Variants in PTPRG observed in about 807,000 individuals in gnomAD.
PTPRG encodes protein tyrosine phosphatase receptor type G.
In PTPRG, 102 loss-of-function variants were observed where a neutral mutation model predicts 165.3. The ratio of observed to expected loss-of-function variants is 0.62; its 90% CI spans 0.53 to 0.73. The LOEUF is 0.73. PTPRG is among the 30% of genes least tolerant of loss of function. PTPRG has a pLI of 0.00. For synonymous variants in PTPRG, 675 were observed against 669.5 expected (o/e 1.01, Z -0.13); for missense variants, 1,866 against 1,861.4 (o/e 1.00, Z -0.05).
At chr3:61,908,380 G>A (rs900335543) in intron 2 of PTPRG, among the ~76,000 whole-genome samples, 15 of 129,148 alleles carry the variant, frequency 1.2e-4, no homozygotes, top group African/African-American at 3.7e-4. Context: ...AGCCGGGATC[G>A]TACTACTGTA....
chr3:62,176,640 G>A (rs1705437294), intron 8 of PTPRG, among the ~76,000 whole-genome samples: 1 of 152,016 alleles, frequency 6.6e-6, no homozygotes, highest in Admixed American at 6.6e-5. Flanking sequence ...TATCTATTTT[G>A]TCAGGTTATC....
intron 1 of PTPRG, among the ~76,000 whole-genome samples, chr3:61,713,668 A>T (rs1268210248): frequency 6.6e-6 from 1 of 152,178 alleles, no homozygotes; most frequent in Admixed American, 6.5e-5. Context: ...CTTGTTAAAT[A>T]CAGTCCCAGA....
chr3:61,760,240 G>C (rs997062301), intron 2 of PTPRG, among the ~76,000 whole-genome samples: 1 of 152,150 alleles, frequency 6.6e-6, no homozygotes, highest in East Asian at 1.9e-4. Context: ...CCTAGAATTG[G>C]TTTTAAAATG....
chr3:62,174,427 T>C (rs1450016999), intron 8 of PTPRG, among the ~76,000 whole-genome samples: 2 of 152,198 alleles, frequency 1.3e-5, no homozygotes, highest in Admixed American at 6.5e-5. Context: ...TCGTGTTTTT[T>C]TGGTGAGTGT....
chr3:61,624,511 T>A (rs1286760448), intron 1 of PTPRG, among the ~76,000 whole-genome samples: 3 of 152,220 alleles, frequency 2.0e-5, no homozygotes, highest in Non-Finnish European at 4.4e-5. Context: ...GCATCCATTT[T>A]GGGACCATGA....
intron 12 of PTPRG, among the ~76,000 whole-genome samples, chr3:62,208,830 C>T (rs1057217392): frequency 6.6e-6 from 1 of 152,216 alleles, no homozygotes; most frequent in East Asian, 1.9e-4. Flanking sequence ...TGTGCTAGCC[C>T]TGCCTATGCA....
At chr3:61,740,294 G>A (rs1166146290) in intron 1 of PTPRG, among the ~76,000 whole-genome samples, 1 of 152,144 alleles carries the variant, frequency 6.6e-6, no homozygotes, top group Non-Finnish European at 1.5e-5. Flanking sequence ...TTTTATTTCT[G>A]TCTGATATTT....
intron 4 of PTPRG, among the ~76,000 whole-genome samples, chr3:62,019,879 G>T (rs2041645530): frequency 6.6e-6 from 1 of 151,958 alleles, no homozygotes; most frequent in Non-Finnish European, 1.5e-5. Flanking sequence ...CATGCATTGT[G>T]CCATTTAATC....
chr3:61,651,866 C>T (rs1028411245), intron 1 of PTPRG, among the ~76,000 whole-genome samples: 2 of 150,834 alleles, frequency 1.3e-5, no homozygotes, highest in South Asian at 2.1e-4. Flanking sequence ...AAAACTTAGC[C>T]GGGCATGGTG....
chr3:61,659,974 C>T (rs1702613741), intron 1 of PTPRG, among the ~76,000 whole-genome samples: 1 of 152,136 alleles, frequency 6.6e-6, no homozygotes, highest in African/African-American at 2.4e-5. Flanking sequence ...CACCTGTAAT[C>T]TCAGCACTTT....
At chr3:62,045,058 G>A (rs1700245549) in intron 4 of PTPRG, among the ~76,000 whole-genome samples, 1 of 152,160 alleles carries the variant, frequency 6.6e-6, no homozygotes, top group South Asian at 2.1e-4. Context: ...GTTGGTGTGG[G>A]GTGAGGGCAG....
At chr3:61,644,132 T>A (rs1702137811) in intron 1 of PTPRG, among the ~76,000 whole-genome samples, 1 of 152,220 alleles carries the variant, frequency 6.6e-6, no homozygotes, top group Admixed American at 6.5e-5. Context: ...GCCCTGGAGT[T>A]CTTGGAGTGA....
At chr3:61,736,611 G>T (rs1273920469) in intron 1 of PTPRG, among the ~76,000 whole-genome samples, 1 of 152,070 alleles carries the variant, frequency 6.6e-6, no homozygotes, top group African/African-American at 2.4e-5. Flanking sequence ...TAGATGAGTT[G>T]AATATTTGTT....
intron 2 of PTPRG, among the ~76,000 whole-genome samples, chr3:61,837,260 C>T (rs556829397): frequency 5.3e-5 from 8 of 152,174 alleles, no homozygotes; most frequent in Non-Finnish European, 1.2e-4. Context: ...GTTGGCCAGG[C>T]TGGTCTCGAA....
rs879127574 is a variant in PTPRG at position 62,268,942 on chromosome 3, A to G, written c.2875-93A>G. 12 of 1,334,416 alleles carry G rather than the reference A, an allele frequency of 9.0e-6. No individual in the cohort carries two copies. The South Asian group carries it at 2.2e-4, about 24-fold the overall frequency. The allele number at this position is 1,334,416 out of a possible 1,614,324, so 82.7% of individuals were successfully genotyped here. ...TTTCAGTCAACTAAATGGCAATCTC[A>G]CCTGTGTTTTAACATTGTCGTTTGA... On this transcript the variant is annotated intron_variant, in intron 19 of 29. Transcript: ENST00000474889.
rs1314537098 is a variant in PTPRG, at chr3:62,013,272, A to G, written c.519+9775A>G. Among the ~76,000 whole-genome samples, 8 of 152,220 alleles carry G rather than the reference A, an allele frequency of 5.3e-5. No homozygotes were observed. The East Asian group carries it at 1.5e-3, about 29-fold the overall frequency. ...CCTTGAAGTCTGGTTTGTATTTTAC[A>G]GTTACTACCATACTAAAACTTGCAA... On this transcript the variant is annotated intron_variant, in intron 4 of 29. Transcript: ENST00000474889.
chr3:62,017,591 A>ATTT (rs11324791), intron 4 of PTPRG, among the ~76,000 whole-genome samples: 27,898 of 142,618 alleles, frequency 0.2, 2,952 homozygotes, highest in Admixed American at 0.28. Flanking sequence ...AATTTTTTGT[A>ATTT]TTTTTTTTTT....
chr3:62,071,561 T>A (rs1363050591), intron 4 of PTPRG, among the ~76,000 whole-genome samples: 1 of 152,202 alleles, frequency 6.6e-6, no homozygotes. Context: ...GCTTTGGCAC[T>A]CAAAAATAAA....
chr3:61,756,570 T>C (rs1054378583), intron 2 of PTPRG, among the ~76,000 whole-genome samples: 1 of 152,232 alleles, frequency 6.6e-6, no homozygotes, highest in African/African-American at 2.4e-5. Context: ...TCTTATTTTT[T>C]TTAAACTTTC....
Sources: gnomAD v4.1 joint callset for allele counts (sites outside exome capture counted in the v4.1 genomes callset) on GRCh38, gnomAD v4.1.1 for gene constraint, MANE v1.5 for transcripts, NCBI Gene and HGNC (gene_info 2026-07-23, HGNC 2026-07-21) for gene names.